Variants in SHISAL1 observed in about 807,000 individuals in gnomAD.
The protein encoded by SHISAL1 is protein shisa-like-1.
Under a neutral mutation model 22.6 loss-of-function variants are expected in SHISAL1, and 9 were observed. The ratio of observed to expected loss-of-function variants is 0.40; its 90% CI spans 0.24 to 0.70. The LOEUF is 0.70. Among genes scored for constraint, SHISAL1 ranks in the 30% least tolerant of loss-of-function variants. The pLI is 0.39. For missense variants in SHISAL1, 246 were observed against 270.6 expected (o/e 0.91, Z 0.64); for synonymous variants, 119 against 115.4 (o/e 1.03, Z -0.20).
intron 3 of SHISAL1, 36 bp from the exon 4 acceptor site, chr22:44,285,781 G>A (rs745427082): frequency 1.6e-5 from 25 of 1,548,738 alleles, no homozygotes; most frequent in Non-Finnish European, 2.2e-5. Context: ...GCAAGCAGAG[G>A]GGAGCAGTCC....
chr22:44,253,596 AT>A (rs71759472), intron 4 of SHISAL1, among the ~76,000 whole-genome samples: 10,506 of 138,142 alleles, frequency 0.076, 377 homozygotes, highest in Middle Eastern at 0.11. Flanking sequence ...TGTCTGGCTA[AT>A]TTTTTTTTTT....
At chr22:44,307,781 G>A (rs928201619) in intron 1 of SHISAL1, among the ~76,000 whole-genome samples, 1 of 152,214 alleles carries the variant, frequency 6.6e-6, no homozygotes, top group Admixed American at 6.5e-5. Context: ...CACGTGAAGA[G>A]AAACAGAGCT....
chr22:44,302,246 G>A (rs1351721585), intron 1 of SHISAL1, among the ~76,000 whole-genome samples: 8 of 151,804 alleles, frequency 5.3e-5, no homozygotes, highest in South Asian at 2.1e-4. Context: ...AGGCCAAGGC[G>A]GGAGAACAGC....
At chr22:44,300,112 GAGAGAC>G (rs1286533271) in intron 2 of SHISAL1, among the ~76,000 whole-genome samples, 1 of 144,574 alleles carries the variant, frequency 6.9e-6, no homozygotes, top group Non-Finnish European at 1.5e-5. Context: ...GAGACAGACA[GAGAGAC>G]AGAGACAGAG....
the SHISAL1 span, among the ~76,000 whole-genome samples, chr22:44,321,642 C>T: frequency 8.5e-5 from 13 of 152,330 alleles, no homozygotes; most frequent in African/African-American, 3.1e-4. Flanking sequence ...TGAATAAACC[C>T]ATGACATGCA....
chr22:44,264,970 A>C (rs1247605050), intron 4 of SHISAL1, among the ~76,000 whole-genome samples: 1 of 151,888 alleles, frequency 6.6e-6, no homozygotes, highest in Non-Finnish European at 1.5e-5. Context: ...AGAGCCCCCA[A>C]AACACAACCA....
rs9614426 is a variant in SHISAL1, at chr22:44,292,684, G to T, written c.281+3988C>A. ...ACCCAGGACTTCAGCCCTGCATCCCGCTCCCCAAGGCTCATCCTCAAGTCG... is the reference window on the plus strand; with the variant it reads ...ACCCAGGACTTCAGCCCTGCATCCCTCTCCCCAAGGCTCATCCTCAAGTCG... On this transcript the variant is annotated intron_variant, in intron 3 of 4. Coordinates refer to ENST00000381176, the MANE Select transcript of SHISAL1 (RefSeq NM_001099294.2). Among the ~76,000 whole-genome samples, 1,362 of 152,158 alleles carry T rather than the reference G, an allele frequency of 9.0e-3. 15 individuals carry two copies. Among genetic ancestry groups the T allele is most frequent in the African/African-American group, 0.031 (1,297 of 41,514 alleles).
chr22:44,258,015 C>T (rs900591686), intron 4 of SHISAL1, among the ~76,000 whole-genome samples: 6 of 152,214 alleles, frequency 3.9e-5, no homozygotes, highest in African/African-American at 1.4e-4. Flanking sequence ...TGGCACACAC[C>T]TGTAATCACA....
At chr22:44,325,835 C>T in the SHISAL1 span, among the ~76,000 whole-genome samples, 1 of 152,002 alleles carries the variant, frequency 6.6e-6, no homozygotes, top group Non-Finnish European at 1.5e-5. Context: ...AGAATTTCCT[C>T]AGGCTGCTCC....
chr22:44,254,368 A>AT (rs201000397), intron 4 of SHISAL1, among the ~76,000 whole-genome samples: 81 of 151,158 alleles, frequency 5.4e-4, no homozygotes, highest in East Asian at 2.3e-3. Context: ...TTAAATTATT[A>AT]TTTTTTTTTA....
intron 4 of SHISAL1, among the ~76,000 whole-genome samples, chr22:44,255,451 G>T (rs2055078105): frequency 6.6e-6 from 1 of 152,132 alleles, no homozygotes; most frequent in Non-Finnish European, 1.5e-5. Context: ...GCTCTCCTCA[G>T]AGGCCTGGAG....
chr22:44,309,284 A>G (rs2055500997), intron 1 of SHISAL1, among the ~76,000 whole-genome samples: 1 of 152,212 alleles, frequency 6.6e-6, no homozygotes, highest in African/African-American at 2.4e-5. Flanking sequence ...TAGATTACGT[A>G]ATGATGAGTA....
At chr22:44,271,608 G>A (rs1390051967) in intron 4 of SHISAL1, among the ~76,000 whole-genome samples, 2 of 152,200 alleles carry the variant, frequency 1.3e-5, no homozygotes, top group African/African-American at 2.4e-5. Context: ...TAATAGCAGG[G>A]GAAATAAAGT....
At chr22:44,276,849 G>A (rs551682452) in intron 4 of SHISAL1, among the ~76,000 whole-genome samples, 13 of 150,260 alleles carry the variant, frequency 8.7e-5, no homozygotes, top group Non-Finnish European at 1.2e-4. Flanking sequence ...AAATGAGAGA[G>A]AAGTGAAAGG....
At position 44,258,827 on chromosome 22, in the gene SHISAL1, T is replaced by C. The variant is rs115040887; in HGVS notation, c.*-9142A>G. 3.6e-3 allele frequency among the ~76,000 whole-genome samples: 547 copies of C among 152,286 alleles called. 7 individuals are homozygous for C. Among genetic ancestry groups the C allele is most frequent in the African/African-American group, 0.013 (523 of 41,562 alleles). The stretch of plus-strand genomic sequence containing the variant: ...TGAAAACACTTCCATGTTCCCAGCA[T>C]TGTGCATAATTTGAGCATCACACTC... On this transcript the variant is annotated intron_variant, in intron 4 of 4. Transcript: ENST00000381176.
chr22:44,309,149 G>A (rs572326630), intron 1 of SHISAL1, among the ~76,000 whole-genome samples: 15 of 152,154 alleles, frequency 9.9e-5, no homozygotes, highest in African/African-American at 2.9e-4. Context: ...GTCAGGGAGC[G>A]GTTTCTCTCC....
At chr22:44,251,959 A>G (rs1393024738) in intron 4 of SHISAL1, among the ~76,000 whole-genome samples, 1 of 152,248 alleles carries the variant, frequency 6.6e-6, no homozygotes, top group African/African-American at 2.4e-5. Context: ...ACCACAATTC[A>G]TAAAAAGGAT....
chr22:44,258,780 A>T (rs1301689684), intron 4 of SHISAL1, among the ~76,000 whole-genome samples: 1 of 152,230 alleles, frequency 6.6e-6, no homozygotes, highest in Non-Finnish European at 1.5e-5. Flanking sequence ...GGTCAAAGGT[A>T]AGAAATACTA....
intron 4 of SHISAL1, among the ~76,000 whole-genome samples, chr22:44,252,257 T>C: frequency 6.7e-6 from 1 of 150,224 alleles, no homozygotes; most frequent in Non-Finnish European, 1.5e-5. Context: ...GGCATCAAGG[T>C]AAACAAAAAA....
Sources: gnomAD v4.1 joint callset for allele counts (sites outside exome capture counted in the v4.1 genomes callset) on GRCh38, gnomAD v4.1.1 for gene constraint, MANE v1.5 for transcripts, NCBI Gene and HGNC (gene_info 2026-07-23, HGNC 2026-07-21) for gene names.